Variants in INSC observed in about 807,000 individuals in gnomAD.
INSC encodes INSC spindle orientation adaptor protein, also known as protein inscuteable homolog.
In INSC, 67 loss-of-function variants were observed where a neutral mutation model predicts 58.6. That is an observed-to-expected ratio of 1.14 (90% CI 0.94 to 1.40). INSC has a LOEUF of 1.40. Ranked by LOEUF, INSC falls within the 40% of genes most tolerant of loss-of-function variation. The probability of loss-of-function intolerance (pLI) is 0.00; values close to 1 mark genes in which losing one functional copy is unlikely to be tolerated. For synonymous variants in INSC, 262 were observed against 276.1 expected (o/e 0.95, Z 0.51); for missense variants, 714 against 692.0 (o/e 1.03, Z -0.36).
intron 1 of INSC, among the ~76,000 whole-genome samples, chr11:15,120,804 A>T (rs1847853563): frequency 6.6e-6 from 1 of 152,178 alleles, no homozygotes; most frequent in Non-Finnish European, 1.5e-5. Context: ...ACAAACATTT[A>T]TTGAGTGCTT....
Position 15,246,089 on chromosome 11 carries a change from CTA to C in INSC, c.*51_*52del. 6.2e-7 allele frequency: 1 copy of C among 1,608,812 alleles called. No individual in the cohort carries two copies. The highest frequency in any genetic ancestry group is 8.5e-7 in the Non-Finnish European group (1 of 1,175,928). On this transcript the variant is annotated 3_prime_UTR_variant, in exon 13 of 13. Coordinates refer to ENST00000379556, the MANE Select transcript of INSC (RefSeq NM_001042536.3). ...TTGGCTGTTCTCACACCCCCTCTGA[CTA>C]TGCACCAGTGAACACATCTGAGTAC...
chr11:15,208,168 TAG>T (rs1850880118), intron 7 of INSC, among the ~76,000 whole-genome samples: 1 of 152,232 alleles, frequency 6.6e-6, no homozygotes, highest in Non-Finnish European at 1.5e-5. Flanking sequence ...GAATAGCTTT[TAG>T]AGAGAGGGAG....
chr11:15,245,761 T>G, intron 12 of INSC, 151 bp from the exon 13 acceptor site: 1 of 949,678 alleles, frequency 1.1e-6, no homozygotes, highest in Non-Finnish European at 1.6e-6. Context: ...AGATGGTGAC[T>G]GAGATGCCAA....
intron 8 of INSC, among the ~76,000 whole-genome samples, chr11:15,223,169 CTT>C (rs1475689427): frequency 6.6e-6 from 1 of 152,184 alleles, no homozygotes; most frequent in Non-Finnish European, 1.5e-5. Context: ...AAGGCATAGA[CTT>C]TTAAAGATAA....
intron 12 of INSC, among the ~76,000 whole-genome samples, chr11:15,245,527 CCT>C (rs944695448): frequency 5.9e-5 from 9 of 152,094 alleles, no homozygotes; most frequent in African/African-American, 2.2e-4. Context: ...ATATGTTCTC[CCT>C]CTCTTTTCCT....
rs139895813 is a variant in INSC, at chr11:15,220,278, G to A, written c.820-1199G>A. 2.3e-3 allele frequency among the ~76,000 whole-genome samples: 347 copies of A among 152,238 alleles called. 2 individuals are homozygous for A. The highest frequency in any genetic ancestry group is 0.014 in the South Asian group (69 of 4,818). ...GGCTGCTCCTCACCCCACCTCTCCT[G>A]TTCTTCCCCTGCCTCATCCCTACCT... is the stretch of plus-strand genomic sequence containing the variant. On this transcript the variant is annotated intron_variant, in intron 7 of 12. Transcript: ENST00000379556.
intron 1 of INSC, among the ~76,000 whole-genome samples, chr11:15,118,560 G>T (rs1018856259): frequency 6.6e-6 from 1 of 152,190 alleles, no homozygotes; most frequent in African/African-American, 2.4e-5. Flanking sequence ...TTGATCACAA[G>T]GTAGGAAAGA....
intron 1 of INSC, among the ~76,000 whole-genome samples, chr11:15,135,183 G>A (rs1378546583): frequency 2.0e-5 from 3 of 152,154 alleles, no homozygotes; most frequent in African/African-American, 7.2e-5. Context: ...GGAAGTGCAA[G>A]ATGTTTTTGG....
upstream of INSC, chr11:15,112,590 G>A (rs779484295): frequency 2.5e-6 from 3 of 1,207,844 alleles, no homozygotes; most frequent in East Asian, 3.0e-5. Flanking sequence ...AGGTGGATGT[G>A]AGTGTGTGTG....
At chr11:15,184,933 A>T (rs1474621023) in intron 5 of INSC, among the ~76,000 whole-genome samples, 1 of 152,258 alleles carries the variant, frequency 6.6e-6, no homozygotes, top group Admixed American at 6.5e-5. Context: ...TGATTTTCCC[A>T]ATCCTCTCTG....
In INSC at chr11:15,149,201, C is replaced by T. The variant is rs878981094; in HGVS notation, c.27C>T (p.His9=). The T allele has an allele frequency of 6.2e-7, 1 of 1,609,880 alleles. No homozygotes were observed. The highest frequency in any genetic ancestry group is 8.5e-7 in the Non-Finnish European group (1 of 1,178,312). Residue 9 remains histidine, a synonymous_variant, in exon 2 of 13, where the codon CAC becomes CAT. Coordinates refer to ENST00000379556, the MANE Select transcript of INSC (RefSeq NM_001042536.3). The stretch of plus-strand genomic sequence containing the variant: ...TGATGGCACTGCCTGGAGGTCGCCA[C>T]CTGGACTCCGTCACCCTGCCGGGTC... The part of the protein sequence containing the change: MMALPGGR[H]LDSVTLPGQR...
At chr11:15,218,867 C>T (rs1317690712) in intron 7 of INSC, among the ~76,000 whole-genome samples, 3 of 152,196 alleles carry the variant, frequency 2.0e-5, no homozygotes, top group Non-Finnish European at 4.4e-5. Flanking sequence ...ATCTACGACG[C>T]CATTCCTTTA....
intron 3 of INSC, 74 bp downstream of exon 3, chr11:15,176,160 T>C: frequency 8.1e-7 from 1 of 1,234,942 alleles, no homozygotes; most frequent in Non-Finnish European, 1.1e-6. Flanking sequence ...GTTTGAATCA[T>C]GTGGTGTCTG....
chr11:15,177,652 G>A (rs1849619717), intron 4 of INSC, among the ~76,000 whole-genome samples: 1 of 152,084 alleles, frequency 6.6e-6, no homozygotes, highest in South Asian at 2.1e-4. Flanking sequence ...ACCTACATAT[G>A]TTTATACTCA....
chr11:15,114,675 C>G (rs1257050768), upstream of INSC, among the ~76,000 whole-genome samples: 1 of 152,214 alleles, frequency 6.6e-6, no homozygotes, highest in African/African-American at 2.4e-5. Context: ...CGTCCCCATT[C>G]CAGCGCTCCT....
the INSC span, among the ~76,000 whole-genome samples, chr11:15,254,774 G>A: frequency 1.3e-4 from 20 of 152,192 alleles, no homozygotes; most frequent in African/African-American, 4.8e-4. Context: ...GGCCCATAGT[G>A]TGTTAGAAAC....
intron 7 of INSC, among the ~76,000 whole-genome samples, chr11:15,201,859 T>G (rs948931273): frequency 6.6e-6 from 1 of 152,192 alleles, no homozygotes; most frequent in Admixed American, 6.5e-5. Context: ...AGCAAACTGC[T>G]CTCTGTCCTC....
intron 7 of INSC, among the ~76,000 whole-genome samples, chr11:15,214,002 C>T (rs777971291): frequency 7.2e-5 from 11 of 152,300 alleles, no homozygotes; most frequent in African/African-American, 1.2e-4. Context: ...CTGTTGCAGA[C>T]GTCATCCTGA....
At chr11:15,213,130 T>C (rs879646642) in intron 7 of INSC, among the ~76,000 whole-genome samples, 5 of 147,114 alleles carry the variant, frequency 3.4e-5, no homozygotes, top group Admixed American at 1.4e-4. Context: ...CCATGAGAGT[T>C]ACTTGAGGAG....
Sources: gnomAD v4.1 joint callset for allele counts (sites outside exome capture counted in the v4.1 genomes callset) on GRCh38, gnomAD v4.1.1 for gene constraint, MANE v1.5 for transcripts, NCBI Gene and HGNC (gene_info 2026-07-23, HGNC 2026-07-21) for gene names.